The following UBAP1L variants were observed in gnomAD, a reference collection of about 807,000 sequenced individuals.
The protein encoded by UBAP1L is ubiquitin associated protein 1 like.
Under a neutral mutation model 32.1 loss-of-function variants are expected in UBAP1L, and 32 were observed. The ratio of observed to expected loss-of-function variants is 1.00; its 90% confidence interval spans 0.75 to 1.34. UBAP1L has a LOEUF of 1.34. Ranked by LOEUF, UBAP1L falls within the 40% of genes most tolerant of loss-of-function variation. The probability of loss-of-function intolerance (pLI) is 0.00; values close to 1 mark genes in which losing one functional copy is unlikely to be tolerated. For missense variants in UBAP1L, 516 were observed against 540.5 expected (o/e 0.95, Z 0.45); for synonymous variants, 243 against 250.2 (o/e 0.97, Z 0.27).
At chr15:65,106,514 G>A (rs1433787908) in intron 1 of UBAP1L, 126 bp from the exon 2 acceptor site, 1 of 264,230 alleles carries the variant, frequency 3.8e-6, no homozygotes, top group Non-Finnish European at 7.0e-6. Flanking sequence ...TAGTTCTCAT[G>A]CATTTCATCA....
chr15:65,107,739 CAAAAAAAAA>C (rs56359277), intron 1 of UBAP1L, among the ~76,000 whole-genome samples: 1 of 94,770 alleles, frequency 1.1e-5, no homozygotes, highest in African/African-American at 3.9e-5. Context: ...AACGCTGTCT[CAAAAAAAAA>C]AAAAAAAAAA....
chr15:65,098,535 T>A (rs766103857), intron 4 of UBAP1L: 9 of 152,116 alleles, frequency 5.9e-5, no homozygotes, highest in Non-Finnish European at 1.3e-4. Context: ...GTCAACAACA[T>A]GCTTTGACCA....
In UBAP1L at chr15:65,094,112, A is replaced by G. The variant is rs939726476; in HGVS notation, c.1011+363T>C. Among the ~76,000 whole-genome samples the G allele has an allele frequency of 6.6e-6, 1 of 152,182 alleles. No homozygotes were observed. The highest frequency in any genetic ancestry group is 6.5e-5 in the Admixed American group (1 of 15,278). ...CTTGGGGTAGGCGGCACGCTCCCCA[A>G]GTAGAAAGGTCATGCATCTTTGTGC... On this transcript the variant is annotated intron_variant, in intron 5 of 5. Transcript: ENST00000559089. This position sits in a 1 kb window ranked among gnomAD's most constrained non-coding sequence, Gnocchi z 4.2.
At chr15:65,100,579 G>C (rs1171527320) in intron 3 of UBAP1L, 1 of 152,254 alleles carries the variant, frequency 6.6e-6, no homozygotes, top group Admixed American at 6.5e-5. Flanking sequence ...CATTTCCATT[G>C]GTTTGGCCGG....
At position 65,092,949 on chromosome 15, in the gene UBAP1L, T is replaced by C. The variant is rs575599747; in HGVS notation, c.*148A>G. ...ACTCTTTCAGCAGATTCTGCTGCTG[T>C]TAACTGTCACCCTTGGTATTATTTG... is the stretch of plus-strand genomic sequence containing the variant. On this transcript the variant is annotated 3_prime_UTR_variant, in exon 6 of 6. Transcript: ENST00000559089. The C allele has an allele frequency of 8.7e-7, 1 of 1,146,286 alleles. No homozygotes were observed. The highest frequency in any genetic ancestry group is 1.2e-6 in the Non-Finnish European group (1 of 841,964). The allele number at this position is 1,146,286 out of a possible 1,614,324, so 71.0% of individuals were successfully genotyped here. A position where few individuals can be genotyped will look rare whatever the true frequency, so the allele number is the denominator to read the frequency against.
chr15:65,094,422 G>T lies in UBAP1L; in HGVS notation c.1011+53C>A. 1 of 1,376,640 alleles carries T rather than the reference G, an allele frequency of 7.3e-7. No individual in the cohort carries two copies. Among genetic ancestry groups the T allele is most frequent in the Non-Finnish European group, 1.0e-6 (1 of 1,004,774 alleles). The allele number at this position is 1,376,640 out of a possible 1,614,324, so 85.3% of individuals were successfully genotyped here. A position where few individuals can be genotyped will look rare whatever the true frequency, so the allele number is the denominator to read the frequency against. On this transcript the variant is annotated intron_variant, in intron 5 of 5. Transcript: ENST00000559089. The surrounding 1 kb of genome is among the most constrained non-coding windows in gnomAD (Gnocchi z 4.2). ...GTGGCCCTGCACACCGGGCTCCTGG[G>T]TACACCCCCATCCCTTCCATCCCCT...
chr15:65,099,524 C>T lies in UBAP1L; in HGVS notation c.890G>A (p.Gly297Glu). 1 of 1,550,652 alleles carries T rather than the reference C, an allele frequency of 6.4e-7. No individual in the cohort carries two copies. The highest frequency in any genetic ancestry group is 8.7e-7 in the Non-Finnish European group (1 of 1,146,856). ...RRAIIALQKT[G>E]RQSLSQFLSY... The stretch of plus-strand genomic sequence containing the variant: ...ACTCACCTGGCTCAGGCTCTGCCTC[C>T]CTGTCTTCTGCAGAGCTATGATGGC... Residue 297 changes from glycine (G) to glutamate (E), a missense_variant, in exon 4 of 6, where the codon GGG (glycine) becomes GAG (glutamate). Transcript: ENST00000559089.
At position 65,102,617 on chromosome 15, in the gene UBAP1L, T is replaced by G. The variant is rs1595920891; in HGVS notation, c.188A>C (p.Tyr63Ser). Reference protein sequence around the residue: ...VEAAGQGPSPYQCGDPGTASA... With the variant: ...VEAAGQGPSPSQCGDPGTASA... ...CGCTGTCCCCGGGTCACCGCACTGGTACGGGCTGGGTCCCTGGCCGGCGGC... is the reference window on the plus strand; with the variant it reads ...CGCTGTCCCCGGGTCACCGCACTGGGACGGGCTGGGTCCCTGGCCGGCGGC... Residue 63 changes from tyrosine to serine, a missense_variant, in exon 3 of 6, where the codon TAC becomes TCC. Tyr to Ser is a moderately radical substitution (Grantham distance 144, BLOSUM62 -2). Transcript: ENST00000559089. The surrounding 1 kb of genome is among the most constrained non-coding windows in gnomAD (Gnocchi z 5.0). The G allele has an allele frequency of 6.5e-7, 1 of 1,549,544 alleles. No homozygotes were observed. Among genetic ancestry groups the G allele is most frequent in the South Asian group, 1.2e-5 (1 of 84,054 alleles).
At chr15:65,111,216 G>A (rs192996387) in intron 1 of UBAP1L, among the ~76,000 whole-genome samples, 236 of 152,320 alleles carry the variant, frequency 1.5e-3, no homozygotes, top group Non-Finnish European at 2.5e-3. Flanking sequence ...TCTTACAGGG[G>A]ACCTTTGAGG....
Position 65,102,129 on chromosome 15 carries a change from G to T in UBAP1L, c.676C>A (p.Arg226=). The change falls in exon 3 of 6, where the codon CGG becomes AGG. Residue 226 remains arginine, a synonymous_variant. Coordinates refer to ENST00000559089, the MANE Select transcript of UBAP1L (RefSeq NM_001163692.2). The surrounding 1 kb of genome is among the most constrained non-coding windows in gnomAD (Gnocchi z 5.0). Reference sequence around the variant, plus strand: ...ACCGCGACCGTAGGCTTGTGGCTCCGCAGCGGGGGGATGGCGCCTGCCGTG... The same window carrying T: ...ACCGCGACCGTAGGCTTGTGGCTCCTCAGCGGGGGGATGGCGCCTGCCGTG... ...PSTAGAIPPL[R]SHKPTVASLS... is the part of the protein sequence containing the mutation. 2 of 1,207,236 alleles carry T rather than the reference G, an allele frequency of 1.7e-6. No homozygotes were observed. 74.8% of individuals were successfully genotyped at this position (1,207,236 alleles called of 1,614,324 possible). A position where few individuals can be genotyped will look rare whatever the true frequency, so the allele number is the denominator to read the frequency against.
At chr15:65,110,482 A>AGCCTG (rs1390161514) in intron 1 of UBAP1L, among the ~76,000 whole-genome samples, 2 of 151,492 alleles carry the variant, frequency 1.3e-5, no homozygotes, top group African/African-American at 4.9e-5. Context: ...GTTCAAGACC[A>AGCCTG]GCCTGGCCAA....
intron 1 of UBAP1L, among the ~76,000 whole-genome samples, chr15:65,106,637 CTTTT>C (rs35095335): frequency 2.5e-5 from 3 of 119,724 alleles, no homozygotes; most frequent in Non-Finnish European, 3.6e-5. Flanking sequence ...TTAGCATAAC[CTTTT>C]TTTTTTTTTT....
At position 65,102,107 on chromosome 15, in the gene UBAP1L, GC is replaced by G. The variant is rs1430702228; in HGVS notation, c.697del (p.Ala233ArgfsTer36). The G allele has an allele frequency of 8.3e-7, 1 of 1,200,680 alleles. No individual in the cohort carries two copies. The highest frequency in any genetic ancestry group is 1.6e-5 in the African/African-American group (1 of 63,046). 74.4% of individuals were successfully genotyped at this position (1,200,680 alleles called of 1,614,324 possible). On this transcript the variant is annotated frameshift_variant and splice_region_variant, in exon 3 of 6. Coordinates refer to ENST00000559089, the MANE Select transcript of UBAP1L (RefSeq NM_001163692.2). LOFTEE classifies it high-confidence loss of function. The surrounding 1 kb of genome is among the most constrained non-coding windows in gnomAD (Gnocchi z 5.0). ...TGGAGGGGCGGGCAGAATCCTTACC[GC>G]GACCGTAGGCTTGTGGCTCCGCAGC... ...PPLRSHKPTV[A>X]SLSPYTCLPP...
At position 65,094,589 on chromosome 15, in the gene UBAP1L, C is replaced by T. The variant is rs375558589; in HGVS notation, c.910-13G>A. ...GGTAGCTGAGAAACTGGGCCGGAAG[C>T]GGGCAGAGAGGGAGGGAGGGTAAGA... On this transcript the variant is annotated splice_polypyrimidine_tract_variant and intron_variant, in intron 4 of 5. Transcript: ENST00000559089. The surrounding 1 kb of genome is among the most constrained non-coding windows in gnomAD (Gnocchi z 4.2). 1,435 of 1,547,082 alleles carry T rather than the reference C, an allele frequency of 9.3e-4. 9 individuals are homozygous for T. Among genetic ancestry groups the T allele is most frequent in the South Asian group, 7.7e-3 (644 of 83,978 alleles).
chr15:65,102,775 G>C lies in UBAP1L; in HGVS notation c.121-91C>G. 8.2e-7 allele frequency: 1 copy of C among 1,219,408 alleles called. No homozygotes were observed. Among genetic ancestry groups the C allele is most frequent in the South Asian group, 1.4e-5 (1 of 69,294 alleles). The allele number at this position is 1,219,408 out of a possible 1,614,324, so 75.5% of individuals were successfully genotyped here. On this transcript the variant is annotated intron_variant, in intron 2 of 5. Transcript: ENST00000559089. This position sits in a 1 kb window ranked among gnomAD's most constrained non-coding sequence, Gnocchi z 5.0. ...TGGCCTGGGGGACCCTGTTCAGCCA[G>C]AGACTCTCTAAGCCTGGACAGCGTC...
chr15:65,094,203 T>A lies in UBAP1L; in HGVS notation c.1011+272A>T, dbSNP rs1405927185. Among the ~76,000 whole-genome samples the A allele has an allele frequency of 1.3e-5, 2 of 152,060 alleles. No individual in the cohort carries two copies. Among genetic ancestry groups the A allele is most frequent in the East Asian group, 3.9e-4 (2 of 5,190 alleles). On this transcript the variant is annotated intron_variant, in intron 5 of 5. Coordinates refer to ENST00000559089, the MANE Select transcript of UBAP1L (RefSeq NM_001163692.2). This position sits in a 1 kb window ranked among gnomAD's most constrained non-coding sequence, Gnocchi z 4.2. ...ATTCAGTCACAGAGGCTGTGTTGAT[T>A]AAGTCTAATAAAGCAAAACCCCTGC... is the stretch of plus-strand genomic sequence containing the variant.
chr15:65,101,928 T>C (rs541122667), intron 3 of UBAP1L, among the ~76,000 whole-genome samples, 178 bp downstream of exon 3: 1 of 152,292 alleles, frequency 6.6e-6, no homozygotes, highest in South Asian at 2.1e-4. Context: ...GGGACTACTC[T>C]ACTCTAGTCA....
Position 65,110,273 on chromosome 15 carries a change from C to T in UBAP1L, c.-173-3885G>A, listed in dbSNP as rs191717680. ...ACTCAGGAAGCTGAGGCAGGAGAAT[C>T]GCTTGAACCAGGGAGGCGGAGATTG... On this transcript the variant is annotated intron_variant, in intron 1 of 5. Transcript: ENST00000559089. 2.6e-3 allele frequency among the ~76,000 whole-genome samples: 392 copies of T among 151,328 alleles called. 1 individual carries two copies. The highest frequency in any genetic ancestry group is 4.7e-3 in the Non-Finnish European group (318 of 67,838).
In UBAP1L at chr15:65,093,039, G is replaced by A; in HGVS notation, c.*58C>T. 6.6e-7 allele frequency: 1 copy of A among 1,517,526 alleles called. No homozygotes were observed. The highest frequency in any genetic ancestry group is 8.8e-7 in the Non-Finnish European group (1 of 1,136,920). The allele number at this position is 1,517,526 out of a possible 1,614,324, so 94.0% of individuals were successfully genotyped here. On this transcript the variant is annotated 3_prime_UTR_variant, in exon 6 of 6. Coordinates refer to ENST00000559089, the MANE Select transcript of UBAP1L (RefSeq NM_001163692.2). The stretch of plus-strand genomic sequence containing the variant: ...TTGGTTTTAATAATACAGTTAGGAT[G>A]GGTTGCCAGGTCTGGCATTGGGCCT...
Sources: gnomAD v4.1 joint callset for allele counts (sites outside exome capture counted in the v4.1 genomes callset) on GRCh38, gnomAD v4.1.1 for gene constraint, Gnocchi (gnomAD v3.1) non-coding constraint, MANE v1.5 for transcripts, NCBI Gene and HGNC (gene_info 2026-07-23, HGNC 2026-07-21) for gene names.